GNAQ: variants seen among roughly 807,000 people sequenced by gnomAD.
The protein encoded by GNAQ is G protein subunit alpha q.
A neutral mutation model predicts 43.9 loss-of-function variants in GNAQ; 8 were observed. The observed-to-expected ratio is 0.18, with a 90% CI of 0.11 to 0.33. GNAQ has a LOEUF of 0.33. GNAQ is among the 10% of genes least tolerant of loss of function. The probability of loss-of-function intolerance (pLI) is 1.00; values close to 1 mark genes in which losing one functional copy is unlikely to be tolerated. For synonymous variants in GNAQ, 155 were observed against 170.7 expected, an observed-to-expected ratio of 0.91 and a Z score of 0.71; for missense variants, 158 against 450.8, an observed-to-expected ratio of 0.35 and a Z score of 5.88.
intron 3 of GNAQ, among the ~76,000 whole-genome samples, chr9:77,804,623 T>C (rs531042059): frequency 6.6e-6 from 1 of 152,294 alleles, no homozygotes; most frequent in South Asian, 2.1e-4. Context: ...TGAAATTTCA[T>C]GCAAATCCAA....
At chr9:78,002,872 C>A (rs908384581) in intron 1 of GNAQ, among the ~76,000 whole-genome samples, 2 of 152,118 alleles carry the variant, frequency 1.3e-5, no homozygotes, top group Non-Finnish European at 2.9e-5. Context: ...TCTTTGAGGG[C>A]CGGTAGAAAA....
At chr9:78,027,152 G>A (rs370892043) in intron 1 of GNAQ, among the ~76,000 whole-genome samples, 70 of 152,286 alleles carry the variant, frequency 4.6e-4, no homozygotes, top group Middle Eastern at 3.4e-3. Flanking sequence ...TTCAATGTGT[G>A]ATGCAACATC....
At chr9:77,931,161 T>A (rs917647372) in intron 1 of GNAQ, among the ~76,000 whole-genome samples, 4 of 148,720 alleles carry the variant, frequency 2.7e-5, no homozygotes, top group African/African-American at 7.4e-5. Context: ...GTCATTGAGA[T>A]GCTTGTAGGA....
At chr9:78,022,844 A>G (rs541883915) in intron 1 of GNAQ, among the ~76,000 whole-genome samples, 1 of 152,318 alleles carries the variant, frequency 6.6e-6, no homozygotes, top group Admixed American at 6.5e-5. Context: ...AAATACCAAA[A>G]CAAACCCACC....
intron 2 of GNAQ, among the ~76,000 whole-genome samples, chr9:77,911,972 A>G (rs1828813266): frequency 6.6e-6 from 1 of 152,198 alleles, no homozygotes; most frequent in Admixed American, 6.5e-5. Flanking sequence ...AGGCCTCAAG[A>G]AAAAGGAAGA....
chr9:77,850,292 G>A (rs528052459), intron 2 of GNAQ, among the ~76,000 whole-genome samples: 8 of 152,204 alleles, frequency 5.3e-5, no homozygotes, highest in African/African-American at 1.7e-4. Flanking sequence ...GACAACCCTG[G>A]CTCCTCCTGG....
chr9:77,761,291 G>A (rs1436539197), intron 5 of GNAQ, among the ~76,000 whole-genome samples: 16 of 107,676 alleles, frequency 1.5e-4, no homozygotes, highest in Middle Eastern at 6.3e-3. Flanking sequence ...TCAGCCCCCC[G>A]CCTGGCCAGC....
intron 1 of GNAQ, among the ~76,000 whole-genome samples, chr9:78,008,130 C>T (rs1054047148): frequency 6.6e-6 from 1 of 152,218 alleles, no homozygotes; most frequent in African/African-American, 2.4e-5. Context: ...TAAGGTGAGA[C>T]TCAAGGACAC....
intron 1 of GNAQ, among the ~76,000 whole-genome samples, chr9:77,987,129 C>G (rs955314328): frequency 6.6e-6 from 1 of 152,012 alleles, no homozygotes; most frequent in South Asian, 2.1e-4. Context: ...CTTTGCCTGT[C>G]GTCATGTTGT....
intron 5 of GNAQ, among the ~76,000 whole-genome samples, chr9:77,745,491 C>T (rs1396489028): frequency 6.6e-6 from 1 of 151,508 alleles, no homozygotes. Flanking sequence ...ATCCTCAGAT[C>T]TTTCTGAAAG....
intron 2 of GNAQ, among the ~76,000 whole-genome samples, chr9:77,868,181 A>C (rs1322292556): frequency 6.6e-6 from 1 of 152,240 alleles, no homozygotes; most frequent in African/African-American, 2.4e-5. Flanking sequence ...TATCCTAAAC[A>C]ACAGACATAT....
intron 2 of GNAQ, among the ~76,000 whole-genome samples, chr9:77,834,828 T>TA (rs936489592): frequency 6.6e-6 from 1 of 152,188 alleles, no homozygotes; most frequent in African/African-American, 2.4e-5. Flanking sequence ...ATCTGTCTTT[T>TA]AAAAAAATTT....
chr9:77,973,704 GC>G (rs1211375478), intron 1 of GNAQ, among the ~76,000 whole-genome samples: 1 of 152,102 alleles, frequency 6.6e-6, no homozygotes, highest in Non-Finnish European at 1.5e-5. Context: ...ATGATCTTTA[GC>G]CACTTGGGAG....
intron 1 of GNAQ, among the ~76,000 whole-genome samples, chr9:78,019,443 T>G (rs373703679): frequency 1.3e-5 from 2 of 152,248 alleles, no homozygotes; most frequent in African/African-American, 4.8e-5. Flanking sequence ...CAATAGGAGA[T>G]AGTGCTTGCC....
rs1469095870 is a variant in GNAQ, at chr9:77,768,115, TGA to T, written c.735+26346_735+26347del. 2.6e-4 allele frequency among the ~76,000 whole-genome samples: 40 copies of T among 152,316 alleles called. 1 individual carries two copies. The highest frequency in any genetic ancestry group is 9.4e-4 in the African/African-American group (39 of 41,580). On this transcript the variant is annotated intron_variant, in intron 5 of 6. Transcript: ENST00000286548. ...AAGACAGGTGATAAAACTAAGGCGC[TGA>T]GAGCCTCAAGGTCAAACAGCTAGAC...
At chr9:77,877,942 C>G (rs1828150557) in intron 2 of GNAQ, among the ~76,000 whole-genome samples, 1 of 152,164 alleles carries the variant, frequency 6.6e-6, no homozygotes, top group African/African-American at 2.4e-5. Context: ...AACTTAATGT[C>G]TAGCCCTCTT....
At chr9:77,751,547 A>T (rs1042762890) in intron 5 of GNAQ, among the ~76,000 whole-genome samples, 1 of 152,228 alleles carries the variant, frequency 6.6e-6, no homozygotes, top group African/African-American at 2.4e-5. Flanking sequence ...GTTAGCCTAG[A>T]AGCGGACAGA....
chr9:77,769,926 A>G (rs564904450), intron 5 of GNAQ, among the ~76,000 whole-genome samples: 79 of 152,172 alleles, frequency 5.2e-4, no homozygotes, highest in African/African-American at 1.9e-3. Flanking sequence ...TCTGCCTCCC[A>G]AAGTGCTGGG....
At chr9:77,866,689 C>G (rs1206750932) in intron 2 of GNAQ, among the ~76,000 whole-genome samples, 1 of 152,080 alleles carries the variant, frequency 6.6e-6, no homozygotes, top group Non-Finnish European at 1.5e-5. Flanking sequence ...AAAATAACAA[C>G]TGAGTAGTTC....
Sources: gnomAD v4.1 joint callset for allele counts (sites outside exome capture counted in the v4.1 genomes callset) on GRCh38, gnomAD v4.1.1 for gene constraint, MANE v1.5 for transcripts, NCBI Gene and HGNC (gene_info 2026-07-23, HGNC 2026-07-21) for gene names.